KHDRBS3: variants seen among roughly 807,000 people sequenced by gnomAD.
KHDRBS3 encodes KH RNA binding domain containing, signal transduction associated 3.
Under a neutral mutation model 45.6 loss-of-function variants are expected in KHDRBS3, and 23 were observed. That is an observed-to-expected ratio of 0.50 (90% CI 0.36 to 0.72). The LOEUF is 0.72. Among genes scored for constraint, KHDRBS3 ranks in the 30% least tolerant of loss-of-function variants. KHDRBS3 has a pLI of 0.00. For synonymous variants in KHDRBS3, 162 were observed against 156.5 expected (o/e 1.04, Z -0.26); for missense variants, 352 against 424.8 (o/e 0.83, Z 1.51).
At chr8:135,609,662 A>T (rs946426715) in intron 7 of KHDRBS3, among the ~76,000 whole-genome samples, 6 of 150,932 alleles carry the variant, frequency 4.0e-5, no homozygotes, top group African/African-American at 7.4e-5. Flanking sequence ...CAGGCTCAGG[A>T]TCTTTGAGAT....
chr8:135,555,583 C>T (rs1051557540), intron 4 of KHDRBS3, among the ~76,000 whole-genome samples: 5 of 151,990 alleles, frequency 3.3e-5, no homozygotes, highest in Admixed American at 6.6e-5. Context: ...GTGGGGCTCT[C>T]ACTTTATTTT....
chr8:135,542,861 A>T, intron 3 of KHDRBS3, 91 bp downstream of exon 3: 1 of 873,858 alleles, frequency 1.1e-6, no homozygotes, highest in Non-Finnish European at 1.8e-6. Context: ...TAGTTACATA[A>T]GGGGATGTAT....
At chr8:135,473,723 G>A (rs927157853) in intron 1 of KHDRBS3, among the ~76,000 whole-genome samples, 3 of 152,110 alleles carry the variant, frequency 2.0e-5, no homozygotes, top group African/African-American at 7.2e-5. Context: ...CTTCCAAAAT[G>A]GGTAGAGCTC....
chr8:135,508,075 C>T (rs896529361), intron 1 of KHDRBS3, among the ~76,000 whole-genome samples: 4 of 152,176 alleles, frequency 2.6e-5, no homozygotes, highest in African/African-American at 7.2e-5. Flanking sequence ...TTTCTTTTCC[C>T]GCCCTGAATT....
intron 5 of KHDRBS3, among the ~76,000 whole-genome samples, chr8:135,573,426 AG>A (rs1827800461): frequency 6.6e-6 from 1 of 152,238 alleles, no homozygotes; most frequent in Admixed American, 6.5e-5. Context: ...CCAAAAGGAA[AG>A]TATCAGGACA....
chr8:135,578,207 G>A (rs1318383256), intron 5 of KHDRBS3, among the ~76,000 whole-genome samples: 9 of 151,934 alleles, frequency 5.9e-5, no homozygotes, highest in Admixed American at 5.9e-4. Context: ...TCTTAATAGT[G>A]TCCTACACAA....
intron 1 of KHDRBS3, among the ~76,000 whole-genome samples, chr8:135,503,943 T>C (rs1229760110): frequency 6.6e-6 from 1 of 152,230 alleles, no homozygotes; most frequent in Non-Finnish European, 1.5e-5. Context: ...TATGTAGAAC[T>C]GAAGGGTGCA....
chr8:135,497,123 A>G (rs899518952), intron 1 of KHDRBS3, among the ~76,000 whole-genome samples: 6 of 152,184 alleles, frequency 3.9e-5, no homozygotes, highest in Non-Finnish European at 8.8e-5. Context: ...AGTTGGGACC[A>G]TCGTCGTCAT....
At chr8:135,516,269 G>T (rs1370270168) in intron 1 of KHDRBS3, among the ~76,000 whole-genome samples, 1 of 152,204 alleles carries the variant, frequency 6.6e-6, no homozygotes, top group African/African-American at 2.4e-5. Context: ...AAGTTGCTCT[G>T]GGTGAGTCAG....
chr8:135,624,072 A>G (rs1002165172), intron 7 of KHDRBS3, among the ~76,000 whole-genome samples: 3 of 152,202 alleles, frequency 2.0e-5, no homozygotes, highest in Admixed American at 2.0e-4. Flanking sequence ...TTTATCTCCA[A>G]AGAAACTAGT....
chr8:135,545,680 T>C (rs981429622), intron 3 of KHDRBS3, among the ~76,000 whole-genome samples: 15 of 152,132 alleles, frequency 9.9e-5, no homozygotes, highest in African/African-American at 3.4e-4. Flanking sequence ...CTCTCTAAAC[T>C]CTTTTCCACC....
At chr8:135,646,964 C>A in intron 8 of KHDRBS3, 29 bp from the exon 9 acceptor site, 1 of 1,207,992 alleles carries the variant, frequency 8.3e-7, no homozygotes, top group Non-Finnish European at 1.2e-6. Context: ...TGGCAGTGAT[C>A]TAATTGTGAT....
chr8:135,538,562 G>C (rs1378844757), intron 2 of KHDRBS3: 1 of 152,138 alleles, frequency 6.6e-6, no homozygotes, highest in East Asian at 1.9e-4. Flanking sequence ...ATTCAACATT[G>C]TCACCGTGCT....
intron 6 of KHDRBS3, among the ~76,000 whole-genome samples, chr8:135,582,861 A>C (rs554446077): frequency 6.6e-6 from 1 of 152,212 alleles, no homozygotes; most frequent in Non-Finnish European, 1.5e-5. Context: ...GCCTCTTTGC[A>C]TAGTTTCTAG....
intron 5 of KHDRBS3, among the ~76,000 whole-genome samples, 154 bp downstream of exon 5, chr8:135,557,741 G>T (rs1016879023): frequency 2.0e-5 from 3 of 152,144 alleles, no homozygotes; most frequent in Non-Finnish European, 4.4e-5. Flanking sequence ...GGAATCTGAG[G>T]CCAGGAGTTC....
At chr8:135,533,979 T>C (rs1825607275) in intron 2 of KHDRBS3, among the ~76,000 whole-genome samples, 1 of 152,228 alleles carries the variant, frequency 6.6e-6, no homozygotes. Context: ...GTATGGATAC[T>C]GGAAATAAAG....
intron 1 of KHDRBS3, among the ~76,000 whole-genome samples, chr8:135,471,982 C>T (rs933161089): frequency 4.6e-5 from 7 of 152,120 alleles, no homozygotes; most frequent in African/African-American, 7.2e-5. Flanking sequence ...CAGTGCTCAG[C>T]GTGGTGCCTG....
chr8:135,639,486 G>A (rs1339854561), intron 7 of KHDRBS3, among the ~76,000 whole-genome samples: 2 of 152,206 alleles, frequency 1.3e-5, no homozygotes, highest in African/African-American at 4.8e-5. Context: ...TGTTTGTTCA[G>A]AAGAGTGAAG....
intron 5 of KHDRBS3, among the ~76,000 whole-genome samples, chr8:135,569,160 G>A (rs1037752076): frequency 5.3e-5 from 8 of 151,922 alleles, no homozygotes; most frequent in Admixed American, 3.9e-4. Context: ...ATTAAAAAAA[G>A]AATAGCAGAA....
Sources: gnomAD v4.1 joint callset for allele counts (sites outside exome capture counted in the v4.1 genomes callset) on GRCh38, gnomAD v4.1.1 for gene constraint, MANE v1.5 for transcripts, NCBI Gene and HGNC (gene_info 2026-07-23, HGNC 2026-07-21) for gene names.